Variants in BAALC observed in about 807,000 individuals in gnomAD.
BAALC encodes BAALC binder of MAP3K1 and KLF4.
In BAALC, 9 loss-of-function variants were observed where a neutral mutation model predicts 15.5. The ratio of observed to expected loss-of-function variants is 0.58; its 90% CI spans 0.35 to 1.02. The LOEUF is 1.02. Ranked by LOEUF, BAALC falls within the 50% of genes least tolerant of loss-of-function variation. The pLI is 0.02. For synonymous variants in BAALC, 80 were observed against 74.6 expected (o/e 1.07, Z -0.37); for missense variants, 201 against 192.4 (o/e 1.04, Z -0.27).
intron 1 of BAALC, among the ~76,000 whole-genome samples, chr8:103,180,924 AAAACTCTAGT>A (rs1373907425): frequency 6.6e-6 from 1 of 152,242 alleles, no homozygotes; most frequent in Non-Finnish European, 1.5e-5. Context: ...ATTGGATTAG[AAAACTCTAGT>A]AAACCTCAGT....
At position 103,213,001 on chromosome 8, in the gene BAALC, G is replaced by A. The variant is rs138529581; in HGVS notation, c.243G>A (p.Thr81=). 1.3e-5 allele frequency: 21 copies of A among 1,614,112 alleles called. No individual in the cohort carries two copies. The highest frequency in any genetic ancestry group is 1.2e-4 in the African/African-American group (9 of 75,044). ...GAATACCCAACCCAGAGAAGAAGAC[G>A]AACTGTGAGACCCAGTGCCCAAATC... The part of the protein sequence containing the change: ...PGGIPNPEKK[T]NCETQCPNPQ... The change falls in exon 2 of 3, where the codon ACG becomes ACA. Residue 81 remains threonine, a synonymous_variant. Transcript: ENST00000309982.
At chr8:103,202,773 A>G (rs947219830) in intron 1 of BAALC, 4 of 152,256 alleles carry the variant, frequency 2.6e-5, no homozygotes, top group East Asian at 1.9e-4. Flanking sequence ...ACCCCACAGT[A>G]ATTAACATAA....
At chr8:103,203,787 T>C (rs1416368022) in intron 1 of BAALC, among the ~76,000 whole-genome samples, 2 of 152,196 alleles carry the variant, frequency 1.3e-5, no homozygotes, top group East Asian at 1.9e-4. Flanking sequence ...TGCCAAATAA[T>C]ATTCCATTGT....
intron 1 of BAALC, among the ~76,000 whole-genome samples, chr8:103,196,391 C>A (rs1218519067): frequency 6.6e-6 from 1 of 152,164 alleles, no homozygotes; most frequent in Non-Finnish European, 1.5e-5. Flanking sequence ...AGTGATCCTC[C>A]CACCTCAGCC....
At chr8:103,224,123 G>A (rs567347578) in intron 2 of BAALC, among the ~76,000 whole-genome samples, 6 of 152,180 alleles carry the variant, frequency 3.9e-5, no homozygotes, top group Admixed American at 3.9e-4. Flanking sequence ...GTCTGTGTGT[G>A]TGTGTGTGTG....
intron 1 of BAALC, among the ~76,000 whole-genome samples, chr8:103,160,279 G>A (rs976977327): frequency 1.3e-5 from 2 of 152,138 alleles, no homozygotes; most frequent in Non-Finnish European, 2.9e-5. Context: ...AGAATTTTGG[G>A]GAGTTTAAAT....
Position 103,208,767 on chromosome 8 carries a change from C to A in BAALC, c.161-4152C>A, listed in dbSNP as rs531428469. Among the ~76,000 whole-genome samples the A allele has an allele frequency of 3.7e-4, 57 of 152,324 alleles. No individual in the cohort carries two copies. The South Asian group carries it at 0.011, about 29-fold the overall frequency. On this transcript the variant is annotated intron_variant, in intron 1 of 2. Transcript: ENST00000309982. ...CTCCCTGGGATATATTCCCTGCTGC[C>A]TGCTCTTGATCCTGGTGCGTAAGGC... is the stretch of plus-strand genomic sequence containing the variant.
At chr8:103,175,533 C>A (rs546708341) in intron 1 of BAALC, among the ~76,000 whole-genome samples, 4 of 152,270 alleles carry the variant, frequency 2.6e-5, no homozygotes, top group East Asian at 1.9e-4. Flanking sequence ...GAAGTCACCA[C>A]CCCCAAGCAA....
intron 1 of BAALC, among the ~76,000 whole-genome samples, chr8:103,182,179 T>C (rs1015303478): frequency 6.6e-6 from 1 of 152,338 alleles, no homozygotes; most frequent in East Asian, 1.9e-4. Flanking sequence ...CATTTCTTCA[T>C]CTGCAGGTGT....
At chr8:103,205,299 C>G (rs1812303229) in intron 1 of BAALC, among the ~76,000 whole-genome samples, 1 of 152,060 alleles carries the variant, frequency 6.6e-6, no homozygotes, top group South Asian at 2.1e-4. Context: ...CCTGGGGTTG[C>G]AATTTATCAG....
chr8:103,188,053 A>T (rs1356570826), intron 1 of BAALC, among the ~76,000 whole-genome samples: 1 of 152,156 alleles, frequency 6.6e-6, no homozygotes, highest in Non-Finnish European at 1.5e-5. Context: ...ACAGGTCTAT[A>T]TTGGCTCAGG....
chr8:103,197,541 A>C (rs1407531612), intron 1 of BAALC, among the ~76,000 whole-genome samples: 1 of 152,122 alleles, frequency 6.6e-6, no homozygotes, highest in Non-Finnish European at 1.5e-5. Context: ...TTCTACTTTC[A>C]ACTTTTGTAT....
At chr8:103,152,107 A>G (rs974103142) in intron 1 of BAALC, among the ~76,000 whole-genome samples, 3 of 152,074 alleles carry the variant, frequency 2.0e-5, no homozygotes, top group Admixed American at 6.6e-5. Context: ...TTTTAAAAAC[A>G]TATGTCAGGT....
chr8:103,152,767 C>T (rs1036795715), intron 1 of BAALC, among the ~76,000 whole-genome samples: 3 of 152,184 alleles, frequency 2.0e-5, no homozygotes, highest in Non-Finnish European at 4.4e-5. Flanking sequence ...TGGAGGTCGG[C>T]GGCCACACCC....
At chr8:103,167,483 G>A (rs578086490) in intron 1 of BAALC, among the ~76,000 whole-genome samples, 2 of 152,186 alleles carry the variant, frequency 1.3e-5, no homozygotes, top group African/African-American at 4.8e-5. Context: ...TAGCCCAGTA[G>A]AGCTGGCGGC....
intron 2 of BAALC, among the ~76,000 whole-genome samples, chr8:103,223,455 AT>A (rs1331473139): frequency 1.2e-4 from 18 of 152,232 alleles, no homozygotes; most frequent in Admixed American, 2.6e-4. Flanking sequence ...CATTTTTCAG[AT>A]AATAGAACTG....
chr8:103,191,304 G>A (rs1811962858), intron 1 of BAALC: 1 of 152,090 alleles, frequency 6.6e-6, no homozygotes, highest in African/African-American at 2.4e-5. Flanking sequence ...TGATGCATGA[G>A]CTGCGTGTTC....
chr8:103,145,570 C>A (rs945558979), intron 1 of BAALC, among the ~76,000 whole-genome samples: 1 of 152,192 alleles, frequency 6.6e-6, no homozygotes, highest in Non-Finnish European at 1.5e-5. Context: ...ATTGAACAAA[C>A]CTCTCTTGGT....
At chr8:103,205,247 C>T (rs1401742763) in intron 1 of BAALC, among the ~76,000 whole-genome samples, 3 of 152,308 alleles carry the variant, frequency 2.0e-5, no homozygotes, top group Non-Finnish European at 4.4e-5. Flanking sequence ...CTGCCCAGCT[C>T]CATTTCCAAA....
Sources: allele counts gnomAD v4.1 joint callset (sites outside exome capture counted in the v4.1 genomes callset), GRCh38; gene constraint gnomAD v4.1.1; transcripts MANE v1.5; gene names NCBI Gene and HGNC (gene_info 2026-07-23, HGNC 2026-07-21).